PDE4D: variants seen among roughly 807,000 people sequenced by gnomAD.
PDE4D encodes 3',5'-cyclic-AMP phosphodiesterase 4D.
PDE4D carries 24 observed loss-of-function variants against 87.4 expected under a neutral mutation model. The ratio of observed to expected loss-of-function variants is 0.27; its 90% CI spans 0.20 to 0.39. PDE4D has a LOEUF of 0.39. Ranked by LOEUF, PDE4D falls within the 10% of genes least tolerant of loss-of-function variation. PDE4D has a pLI of 1.00. For synonymous variants in PDE4D, 384 were observed against 383.2 expected, an observed-to-expected ratio of 1.00 and a Z score of -0.02; for missense variants, 714 against 1,041.0, an observed-to-expected ratio of 0.69 and a Z score of 4.32.
At chr5:60,511,627 T>G (rs1750577167) in intron 1 of PDE4D, among the ~76,000 whole-genome samples, 1 of 151,674 alleles carries the variant, frequency 6.6e-6, no homozygotes. Context: ...GTAGAAATTA[T>G]GGACCCTGTG....
chr5:60,010,631 C>T (rs1269306389), intron 2 of PDE4D, among the ~76,000 whole-genome samples: 1 of 152,140 alleles, frequency 6.6e-6, no homozygotes, highest in Non-Finnish European at 1.5e-5. Context: ...TTGCATGGAA[C>T]ACTCGATTCT....
intron 1 of PDE4D, among the ~76,000 whole-genome samples, chr5:59,378,911 G>T (rs1189835320): frequency 1.3e-5 from 2 of 152,068 alleles, no homozygotes; most frequent in Non-Finnish European, 2.9e-5. Context: ...GGAAAGGCAA[G>T]GGCAGAAAGC....
At chr5:59,880,799 A>C (rs546495014) in intron 1 of PDE4D, among the ~76,000 whole-genome samples, 3 of 152,226 alleles carry the variant, frequency 2.0e-5, no homozygotes, top group Non-Finnish European at 4.4e-5. Context: ...ACTAAAAACA[A>C]ACAGACATAA....
chr5:59,235,928 C>A (rs10064893), intron 1 of PDE4D, among the ~76,000 whole-genome samples: 11,215 of 152,174 alleles, frequency 0.074, 540 homozygotes, highest in Non-Finnish European at 0.1. Flanking sequence ...ACATATCAGA[C>A]CAGCTTTGCA....
intron 2 of PDE4D, among the ~76,000 whole-genome samples, chr5:59,205,053 C>A (rs1000522547): frequency 1.3e-5 from 2 of 152,056 alleles, no homozygotes; most frequent in Non-Finnish European, 2.9e-5. Context: ...TAGGCCCTGA[C>A]AACTTAAGTT....
chr5:59,002,331 C>A (rs1315142526), intron 6 of PDE4D, among the ~76,000 whole-genome samples: 1 of 152,126 alleles, frequency 6.6e-6, no homozygotes, highest in Non-Finnish European at 1.5e-5. Context: ...TCCAAAGATA[C>A]TCTTAATGAG....
intron 5 of PDE4D, among the ~76,000 whole-genome samples, chr5:59,043,744 C>G (rs1030743180): frequency 2.6e-5 from 4 of 151,702 alleles, no homozygotes; most frequent in Non-Finnish European, 2.9e-5. Flanking sequence ...TGTGATGTTC[C>G]CCTTCCTATG....
intron 1 of PDE4D, among the ~76,000 whole-genome samples, chr5:59,509,409 G>A: frequency 7.2e-6 from 1 of 139,382 alleles, no homozygotes; most frequent in Non-Finnish European, 1.5e-5. Flanking sequence ...AAATAAAAAG[G>A]ATGGTCTCAG....
At chr5:60,358,732 A>G (rs1349470639) in intron 1 of PDE4D, among the ~76,000 whole-genome samples, 2 of 152,176 alleles carry the variant, frequency 1.3e-5, no homozygotes, top group Non-Finnish European at 2.9e-5. Flanking sequence ...GCATTATTTA[A>G]TAAGGTTTCA....
At chr5:59,823,907 C>A (rs1212988316) in intron 1 of PDE4D, among the ~76,000 whole-genome samples, 1 of 150,552 alleles carries the variant, frequency 6.6e-6, no homozygotes, top group Non-Finnish European at 1.5e-5. Flanking sequence ...ATCCTCATGT[C>A]AGCAAAATTG....
intron 5 of PDE4D, among the ~76,000 whole-genome samples, chr5:59,040,351 G>C (rs1406163504): frequency 1.3e-5 from 2 of 152,170 alleles, no homozygotes; most frequent in African/African-American, 4.8e-5. Context: ...TTGCCTAAGA[G>C]TTCTCTTAAA....
At chr5:59,714,024 G>GT (rs1233760960) in intron 1 of PDE4D, among the ~76,000 whole-genome samples, 4 of 152,178 alleles carry the variant, frequency 2.6e-5, no homozygotes, top group Admixed American at 6.5e-5. Context: ...GTTAGAGGCT[G>GT]TTGTGAATGC....
intron 1 of PDE4D, among the ~76,000 whole-genome samples, chr5:59,449,523 T>C (rs889747825): frequency 6.6e-6 from 1 of 152,232 alleles, no homozygotes; most frequent in African/African-American, 2.4e-5. Context: ...ATTTTTCATA[T>C]TAAACTCCCT....
intron 1 of PDE4D, among the ~76,000 whole-genome samples, chr5:60,318,474 G>A (rs968088816): frequency 1.3e-5 from 2 of 152,118 alleles, no homozygotes; most frequent in Non-Finnish European, 2.9e-5. Context: ...GAAGCAGTTA[G>A]CCCATTTACA....
chr5:59,662,333 A>G (rs1745389848), intron 1 of PDE4D, among the ~76,000 whole-genome samples: 1 of 152,194 alleles, frequency 6.6e-6, no homozygotes, highest in Non-Finnish European at 1.5e-5. Flanking sequence ...AATGGTCACA[A>G]TTCAGGAGAA....
chr5:59,880,720 T>C (rs1230906387), intron 1 of PDE4D, among the ~76,000 whole-genome samples: 3 of 152,220 alleles, frequency 2.0e-5, no homozygotes, highest in Admixed American at 1.3e-4. Context: ...TCATTGGAAA[T>C]GAAATCACAT....
chr5:60,248,020 T>C (rs757073257), intron 1 of PDE4D, among the ~76,000 whole-genome samples: 7 of 152,020 alleles, frequency 4.6e-5, no homozygotes, highest in Non-Finnish European at 7.4e-5. Context: ...TATTCAGCTG[T>C]TCTTGATCCA....
chr5:59,800,084 G>A (rs2152663751), intron 1 of PDE4D, among the ~76,000 whole-genome samples: 1 of 152,266 alleles, frequency 6.6e-6, no homozygotes, highest in South Asian at 2.1e-4. Context: ...AGAAAGGTCT[G>A]TGTTGAATGA....
intron 5 of PDE4D, among the ~76,000 whole-genome samples, chr5:59,108,955 ATGTGTGTGTGTGTGTGTG>A (rs57004711): frequency 2.9e-4 from 35 of 121,904 alleles, no homozygotes; most frequent in African/African-American, 7.5e-4. Flanking sequence ...TAGGAACTCA[ATGTGTGTGTGTGTGTGTG>A]TGTGTGTGTG....
Sources: allele counts gnomAD v4.1 joint callset (sites outside exome capture counted in the v4.1 genomes callset), GRCh38; gene constraint gnomAD v4.1.1; transcripts MANE v1.5; gene names NCBI Gene and HGNC (gene_info 2026-07-23, HGNC 2026-07-21).